Variants in DOCK7 observed in about 807,000 individuals in gnomAD.
The protein encoded by DOCK7 is dedicator of cytokinesis 7.
Under a neutral mutation model 271.0 loss-of-function variants are expected in DOCK7, and 138 were observed. The observed-to-expected ratio is 0.51, with a 90% CI of 0.44 to 0.59. The LOEUF (loss-of-function observed/expected upper bound fraction) is 0.59, where lower values mean the gene tolerates loss of function less well. Among genes scored for constraint, DOCK7 ranks in the 20% least tolerant of loss-of-function variants. DOCK7 has a pLI of 0.00. For synonymous variants in DOCK7, 823 were observed against 876.1 expected (o/e 0.94, Z 1.07); for missense variants, 2,066 against 2,592.4 (o/e 0.80, Z 4.41).
intron 43 of DOCK7, chr1:62,478,844 T>C (rs1413686663): frequency 6.6e-6 from 1 of 152,204 alleles, no homozygotes; most frequent in Non-Finnish European, 1.5e-5. Flanking sequence ...AAACCACCCA[T>C]TGGCATGCAT....
chr1:62,549,769 T>G (rs2149414809), intron 22 of DOCK7, among the ~76,000 whole-genome samples: 1 of 152,274 alleles, frequency 6.6e-6, no homozygotes, highest in South Asian at 2.1e-4. Context: ...TATGCACTCT[T>G]TCTAATTATT....
At chr1:62,680,647 A>G (rs1208737473) in intron 1 of DOCK7, among the ~76,000 whole-genome samples, 2 of 152,276 alleles carry the variant, frequency 1.3e-5, no homozygotes, top group African/African-American at 4.8e-5. Flanking sequence ...CATCTGACAA[A>G]GGGCTAATAT....
chr1:62,534,784 T>C (rs1218758432), intron 29 of DOCK7, among the ~76,000 whole-genome samples: 1 of 152,062 alleles, frequency 6.6e-6, no homozygotes, highest in African/African-American at 2.4e-5. Flanking sequence ...AAATGCTACA[T>C]AGTATGATGG....
chr1:62,640,090 C>T (rs1245577785), intron 7 of DOCK7, among the ~76,000 whole-genome samples: 1 of 152,066 alleles, frequency 6.6e-6, no homozygotes, highest in African/African-American at 2.4e-5. Context: ...ATGTACCACT[C>T]TACATACTCA....
chr1:62,551,874 T>C (rs1451534161), intron 22 of DOCK7, among the ~76,000 whole-genome samples: 2 of 151,364 alleles, frequency 1.3e-5, no homozygotes, highest in African/African-American at 4.8e-5. Context: ...AATCATTACA[T>C]ATATATATAG....
intron 20 of DOCK7, among the ~76,000 whole-genome samples, chr1:62,557,655 T>C (rs1197397766): frequency 6.7e-6 from 1 of 148,998 alleles, no homozygotes; most frequent in African/African-American, 2.5e-5. Flanking sequence ...AGTTTGAATC[T>C]TGGCTCTCAA....
Position 62,457,709 on chromosome 1 carries a change from G to C in DOCK7, c.6213-4C>G, listed in dbSNP as rs758846566. 3.1e-6 allele frequency: 5 copies of C among 1,610,256 alleles called. No individual in the cohort carries two copies. The South Asian group carries it at 4.4e-5, about 14-fold the overall frequency. ...TTTTCTTAAGGCATCTTCACACCTA[G>C]GAAAAACAGGATGTTATCAAGATAT... On this transcript the variant is annotated splice_region_variant and splice_polypyrimidine_tract_variant and intron_variant, in intron 48 of 49. Transcript: ENST00000635253.
At chr1:62,465,415 G>A (rs1221412451) in intron 48 of DOCK7, among the ~76,000 whole-genome samples, 1 of 151,866 alleles carries the variant, frequency 6.6e-6, no homozygotes, top group Non-Finnish European at 1.5e-5. Context: ...TGGTATTATA[G>A]ATTGAGATCT....
At chr1:62,606,653 G>T (rs1270369049) in intron 14 of DOCK7, among the ~76,000 whole-genome samples, 1 of 151,712 alleles carries the variant, frequency 6.6e-6, no homozygotes, top group Non-Finnish European at 1.5e-5. Context: ...TACTCTCCAT[G>T]GATTATCCCT....
chr1:62,455,525 A>C (rs762344585), intron 49 of DOCK7, 69 bp from the exon 50 acceptor site: 3 of 1,464,298 alleles, frequency 2.0e-6, no homozygotes, highest in Middle Eastern at 3.6e-4. Flanking sequence ...TAAATGTCTT[A>C]CATGGTTTTT....
At chr1:62,584,057 C>A (rs937784360) in intron 15 of DOCK7, 12 of 721,926 alleles carry the variant, frequency 1.7e-5, no homozygotes, top group Non-Finnish European at 2.0e-5. Flanking sequence ...TTTACATATG[C>A]ATGAATAGAT....
In DOCK7 at chr1:62,505,664, AG is replaced by A; in HGVS notation, c.4611+17del. The A allele has an allele frequency of 6.3e-7, 1 of 1,598,036 alleles. No individual in the cohort carries two copies. Among genetic ancestry groups the A allele is most frequent in the Non-Finnish European group, 8.5e-7 (1 of 1,175,240 alleles). On this transcript the variant is annotated intron_variant, in intron 36 of 49. Transcript: ENST00000635253. ...AAAAAACAAAGTCTGACAACACTGC[AG>A]GTACAAAATAACCTACCTTTGAAAC...
chr1:62,529,223 C>G lies in DOCK7; in HGVS notation c.3781+54G>C, dbSNP rs1000331372. The G allele has an allele frequency of 4.2e-6, 6 of 1,444,024 alleles. No individual in the cohort carries two copies. In the African/African-American group the frequency reaches 8.6e-5, roughly 21 times the overall value. The allele number at this position is 1,444,024 out of a possible 1,614,324, so 89.5% of individuals were successfully genotyped here. On this transcript the variant is annotated intron_variant, in intron 30 of 49. Coordinates refer to ENST00000635253, the MANE Select transcript of DOCK7 (RefSeq NM_001367561.1). ...TCTTCATCCTTGAGATATTTTCTAA[C>G]ACTTTTAAACATTGAGCTTTGCCTT...
intron 12 of DOCK7, among the ~76,000 whole-genome samples, chr1:62,622,886 T>TGA (rs1653457179): frequency 6.6e-6 from 1 of 152,022 alleles, no homozygotes; most frequent in Admixed American, 6.6e-5. Context: ...GCCGAGACTG[T>TGA]GCCACTGCAC....
At chr1:62,528,037 T>C in intron 31 of DOCK7, 114 bp downstream of exon 31, 1 of 1,126,772 alleles carries the variant, frequency 8.9e-7, no homozygotes, top group Non-Finnish European at 1.2e-6. Flanking sequence ...TTTTCATAAA[T>C]AAAACTGAGC....
rs1307209548 is a variant in DOCK7, at chr1:62,485,075, G to T, written c.5508+2323C>A. The T allele has an allele frequency of 4.6e-6, 4 of 862,872 alleles. No homozygotes were observed. In the East Asian group the frequency reaches 3.6e-4, roughly 78 times the overall value. The allele number at this position is 862,872 out of a possible 1,614,324, so 53.5% of individuals were successfully genotyped here. ...CCTGAACTCAGGAGGTGTCAAGGCTGCAGTGAGCTGTGATCGTGCCACTGC... is the reference window on the plus strand; with the variant it reads ...CCTGAACTCAGGAGGTGTCAAGGCTTCAGTGAGCTGTGATCGTGCCACTGC... On this transcript the variant is annotated intron_variant, in intron 43 of 49. Transcript: ENST00000635253.
intron 41 of DOCK7, among the ~76,000 whole-genome samples, chr1:62,490,393 T>G (rs1646428573): frequency 1.3e-5 from 2 of 152,124 alleles, no homozygotes; most frequent in Admixed American, 6.5e-5. Context: ...GCACTGGGCT[T>G]GACCCAGCCT....
intron 34 of DOCK7, among the ~76,000 whole-genome samples, chr1:62,509,173 C>A (rs1315463582): frequency 6.6e-6 from 1 of 151,702 alleles, no homozygotes; most frequent in Non-Finnish European, 1.5e-5. Flanking sequence ...ATTATTTGGG[C>A]GTGGTGGTGC....
At position 62,475,749 on chromosome 1, in the gene DOCK7, A is replaced by C; in HGVS notation, c.5919T>G (p.Phe1973Leu). The change falls in exon 46 of 50, where the codon TTT becomes TTG. Residue 1973 changes from phenylalanine (F) to leucine (L), a missense_variant. Transcript: ENST00000635253. ...CATTGACCCTTGTTTTAATATAAGG[A>C]AAGGCATGAGACGTAGTCAGAATGG... The part of the protein sequence containing the change: ...RKTILTTSHA[F>L]PYIKTRVNVT... 1 of 1,614,020 alleles carries C rather than the reference A, an allele frequency of 6.2e-7. No individual in the cohort carries two copies. The highest frequency in any genetic ancestry group is 8.5e-7 in the Non-Finnish European group (1 of 1,179,908).
Sources: allele counts gnomAD v4.1 joint callset (sites outside exome capture counted in the v4.1 genomes callset), GRCh38; gene constraint gnomAD v4.1.1; transcripts MANE v1.5; gene names NCBI Gene and HGNC (gene_info 2026-07-23, HGNC 2026-07-21).